The following TXLNB variants were observed in gnomAD, a reference collection of about 807,000 sequenced individuals.
The protein encoded by TXLNB is beta-taxilin.
Under a neutral mutation model 57.4 loss-of-function variants are expected in TXLNB, and 37 were observed. The observed-to-expected ratio is 0.64, with a 90% CI of 0.50 to 0.85. TXLNB has a LOEUF of 0.85. Ranked by LOEUF, TXLNB falls within the 40% of genes least tolerant of loss-of-function variation. The pLI is 0.00. For missense variants in TXLNB, 848 were observed against 825.6 expected (o/e 1.03, Z -0.33); for synonymous variants, 302 against 309.6 (o/e 0.98, Z 0.26).
the TXLNB span, among the ~76,000 whole-genome samples, chr6:139,302,296 TG>T: frequency 2.1e-5 from 3 of 146,280 alleles, no homozygotes; most frequent in Non-Finnish European, 4.5e-5. Context: ...AACTTGGGTC[TG>T]GGTAAAGGTC....
chr6:139,250,177 CTTTTT>C (rs529236500), intron 7 of TXLNB, among the ~76,000 whole-genome samples: 4 of 124,420 alleles, frequency 3.2e-5, no homozygotes, highest in Admixed American at 8.2e-5. Flanking sequence ...CCATGTCTGG[CTTTTT>C]TTTTTTTTTT....
the TXLNB span, among the ~76,000 whole-genome samples, chr6:139,232,939 T>A: frequency 1.3e-5 from 2 of 152,248 alleles, no homozygotes; most frequent in Non-Finnish European, 2.9e-5. Flanking sequence ...CCTGTATGTG[T>A]GTGTTGAAAT....
chr6:139,216,529 G>A, the TXLNB span, among the ~76,000 whole-genome samples: 8 of 151,372 alleles, frequency 5.3e-5, no homozygotes, highest in African/African-American at 1.5e-4. Flanking sequence ...AATGCTAAAC[G>A]ACGAATTAAT....
At chr6:139,215,196 C>G in the TXLNB span, among the ~76,000 whole-genome samples, 2 of 152,088 alleles carry the variant, frequency 1.3e-5, no homozygotes, top group Non-Finnish European at 2.9e-5. Flanking sequence ...AAGAACAAAG[C>G]TGGAGGCATC....
intron 3 of TXLNB, among the ~76,000 whole-genome samples, chr6:139,273,746 C>A (rs1007663509): frequency 6.6e-6 from 1 of 152,256 alleles, no homozygotes; most frequent in African/African-American, 2.4e-5. Context: ...GCATGGGCCA[C>A]TGTGCTTGGC....
chr6:139,212,955 A>T, the TXLNB span, among the ~76,000 whole-genome samples: 1 of 152,256 alleles, frequency 6.6e-6, no homozygotes, highest in East Asian at 1.9e-4. Context: ...TGCACCCAAT[A>T]CAGGAGCACC....
At chr6:139,250,942 T>G (rs1327981986) in intron 7 of TXLNB, among the ~76,000 whole-genome samples, 2 of 152,226 alleles carry the variant, frequency 1.3e-5, no homozygotes, top group African/African-American at 4.8e-5. Flanking sequence ...CCTGTTATAT[T>G]TTTTCATTAT....
intron 2 of TXLNB, among the ~76,000 whole-genome samples, chr6:139,281,428 C>T (rs962553069): frequency 2.0e-5 from 3 of 151,502 alleles, no homozygotes; most frequent in Admixed American, 2.0e-4. Context: ...GTTTTCTTGT[C>T]AGATTTTGTT....
the TXLNB span, among the ~76,000 whole-genome samples, chr6:139,318,319 A>C: frequency 6.6e-6 from 1 of 151,776 alleles, no homozygotes; most frequent in East Asian, 1.9e-4. Flanking sequence ...CTGCTAAATA[A>C]GAAATATGAA....
chr6:139,262,812 C>T (rs755287554), intron 4 of TXLNB, 39 bp from the exon 5 acceptor site: 1 of 1,596,618 alleles, frequency 6.3e-7, no homozygotes, highest in South Asian at 1.1e-5. Context: ...TAAATGCACC[C>T]CGGGTTTATA....
In TXLNB at chr6:139,277,034, C is replaced by G. The variant is rs368170419; in HGVS notation, c.425-113G>C. 14 of 710,368 alleles carry G rather than the reference C, an allele frequency of 2.0e-5. 2 individuals carry two copies. In the South Asian group the frequency reaches 2.8e-4, roughly 14 times the overall value. The allele number at this position is 710,368 out of a possible 1,614,324, so 44.0% of individuals were successfully genotyped here. ...TATTCCCAACCTTGGCTAAGCCATTCATCTTATCAGATGTAATTTTCTTTC... is the reference window on the plus strand; with the variant it reads ...TATTCCCAACCTTGGCTAAGCCATTGATCTTATCAGATGTAATTTTCTTTC... On this transcript the variant is annotated intron_variant, in intron 2 of 9. Transcript: ENST00000358430.
At chr6:139,208,477 A>C in the TXLNB span, among the ~76,000 whole-genome samples, 1 of 152,168 alleles carries the variant, frequency 6.6e-6, no homozygotes, top group Admixed American at 6.5e-5. Context: ...AAGCCAGAAA[A>C]GGACATAACA....
chr6:139,193,241 C>CTTTTTT, the TXLNB span, among the ~76,000 whole-genome samples: 177 of 101,220 alleles, frequency 1.7e-3, 12 homozygotes, highest in African/African-American at 4.0e-3. Context: ...CTTTGACCCT[C>CTTTTTT]TTTTTTTTTT....
chr6:139,270,385 C>T (rs908768293), intron 4 of TXLNB, 71 bp downstream of exon 4: 15 of 1,422,998 alleles, frequency 1.1e-5, no homozygotes, highest in Admixed American at 2.2e-5. Flanking sequence ...CACACTCTTT[C>T]CATGAGTAGC....
chr6:139,234,890 G>C, the TXLNB span, among the ~76,000 whole-genome samples: 1 of 152,240 alleles, frequency 6.6e-6, no homozygotes, highest in Non-Finnish European at 1.5e-5. Flanking sequence ...GCCCATGAAA[G>C]CAGCTGGGAA....
the TXLNB span, among the ~76,000 whole-genome samples, chr6:139,224,803 A>G: frequency 3.3e-5 from 5 of 152,178 alleles, no homozygotes; most frequent in Admixed American, 3.3e-4. Flanking sequence ...TAAGAAAAAA[A>G]AGAACACTAA....
the TXLNB span, among the ~76,000 whole-genome samples, chr6:139,224,900 A>G: frequency 6.6e-6 from 1 of 152,178 alleles, no homozygotes; most frequent in Admixed American, 6.5e-5. Flanking sequence ...AAAGAAAATT[A>G]CAAAGAATCT....
At chr6:139,163,794 G>T in the TXLNB span, among the ~76,000 whole-genome samples, 2 of 152,022 alleles carry the variant, frequency 1.3e-5, no homozygotes, top group Non-Finnish European at 2.9e-5. Context: ...CTGGCCTCTG[G>T]TCTCTGCCCA....
At chr6:139,228,203 C>T in the TXLNB span, among the ~76,000 whole-genome samples, 1 of 152,110 alleles carries the variant, frequency 6.6e-6, no homozygotes, top group Non-Finnish European at 1.5e-5. Context: ...CATCCAGCAA[C>T]GCAACCATAC....
Sources: gnomAD v4.1 joint callset for allele counts (sites outside exome capture counted in the v4.1 genomes callset) on GRCh38, gnomAD v4.1.1 for gene constraint, MANE v1.5 for transcripts, NCBI Gene and HGNC (gene_info 2026-07-23, HGNC 2026-07-21) for gene names.